RALYL: variants seen among roughly 807,000 people sequenced by gnomAD.
RALYL encodes RALY RNA binding protein like.
Under a neutral mutation model 35.1 loss-of-function variants are expected in RALYL, and 29 were observed. The observed-to-expected ratio is 0.83, with a 90% CI of 0.61 to 1.13. The LOEUF (loss-of-function observed/expected upper bound fraction) is 1.13. Ranked by LOEUF, RALYL falls within the 50% of genes most tolerant of loss-of-function variation. RALYL has a pLI of 0.00. For synonymous variants in RALYL, 120 were observed against 127.6 expected, an observed-to-expected ratio of 0.94 and a Z score of 0.40; for missense variants, 359 against 360.4, an observed-to-expected ratio of 1.00 and a Z score of 0.03.
chr8:84,817,693 T>C (rs1827678300), intron 4 of RALYL, among the ~76,000 whole-genome samples: 1 of 152,048 alleles, frequency 6.6e-6, no homozygotes, highest in African/African-American at 2.4e-5. Context: ...TAGCTGGAAC[T>C]ATAGGCATGA....
chr8:84,771,565 C>G (rs1015539712), intron 2 of RALYL, among the ~76,000 whole-genome samples: 1 of 152,068 alleles, frequency 6.6e-6, no homozygotes, highest in East Asian at 1.9e-4. Flanking sequence ...TATTACCAGG[C>G]TTTGTAAAAT....
At chr8:84,861,585 C>A (rs1346975512) in intron 5 of RALYL, among the ~76,000 whole-genome samples, 2 of 152,192 alleles carry the variant, frequency 1.3e-5, no homozygotes, top group Admixed American at 6.5e-5. Flanking sequence ...TCTCAATTTG[C>A]AAATCTAACA....
chr8:84,724,064 T>C (rs1444076078), intron 2 of RALYL, among the ~76,000 whole-genome samples: 1 of 151,820 alleles, frequency 6.6e-6, no homozygotes, highest in East Asian at 1.9e-4. Context: ...AATTCAGTAA[T>C]ATTGTTGAGT....
At chr8:84,343,765 G>A (rs1849303174) in intron 1 of RALYL, among the ~76,000 whole-genome samples, 1 of 151,836 alleles carries the variant, frequency 6.6e-6, no homozygotes, top group African/African-American at 2.4e-5. Context: ...AAGTAGCTGG[G>A]ACTATCAGCA....
chr8:84,426,475 G>GTGTGT lies in RALYL; in HGVS notation c.-23-102824_-23-102823insTGTGT, dbSNP rs1554662561. Reference sequence around the variant, plus strand: ...GTGTGTGTGTGTGTGTGTGTGTGTGGGTTTAGATTTCACATATAAGTGAGA... The same window carrying GTGTGT: ...GTGTGTGTGTGTGTGTGTGTGTGTGGTGTGTGTTTAGATTTCACATATAAGTGAGA... On this transcript the variant is annotated intron_variant, in intron 1 of 8. Transcript: ENST00000521268. 4.7e-3 allele frequency among the ~76,000 whole-genome samples: 333 copies of GTGTGT among 70,688 alleles called. 1 individual carries two copies. The highest frequency in any genetic ancestry group is 0.011 in the South Asian group (24 of 2,160). 46.4% of individuals were successfully genotyped at this position (70,688 alleles called of 152,430 possible).
intron 2 of RALYL, among the ~76,000 whole-genome samples, chr8:84,537,233 G>T (rs2059677271): frequency 6.6e-6 from 1 of 151,236 alleles, no homozygotes; most frequent in Non-Finnish European, 1.5e-5. Flanking sequence ...ACTTTGAGAG[G>T]CCGAGACAAG....
intron 2 of RALYL, among the ~76,000 whole-genome samples, chr8:84,638,265 A>G (rs980879021): frequency 1.3e-5 from 2 of 151,866 alleles, no homozygotes; most frequent in African/African-American, 2.4e-5. Context: ...GAACTGAATG[A>G]TAATAGTGAC....
intron 1 of RALYL, among the ~76,000 whole-genome samples, chr8:84,335,030 C>T (rs991962247): frequency 1.3e-5 from 2 of 152,152 alleles, no homozygotes; most frequent in Admixed American, 6.6e-5. Context: ...GTTTCTTTGT[C>T]GACTAACTCT....
At chr8:84,367,320 T>A (rs1854599457) in intron 1 of RALYL, among the ~76,000 whole-genome samples, 4 of 9,854 alleles carry the variant, frequency 4.1e-4, no homozygotes, top group African/African-American at 2.3e-3. Flanking sequence ...ATTTTTGTAT[T>A]TTTTTTTTTT....
intron 1 of RALYL, among the ~76,000 whole-genome samples, chr8:84,343,994 T>G (rs1461711870): frequency 6.6e-6 from 1 of 152,070 alleles, no homozygotes; most frequent in Non-Finnish European, 1.5e-5. Context: ...TTACTGATTA[T>G]GTTTAGAAAA....
At chr8:84,376,277 C>T (rs1470378134) in intron 1 of RALYL, among the ~76,000 whole-genome samples, 1 of 151,852 alleles carries the variant, frequency 6.6e-6, no homozygotes, top group Non-Finnish European at 1.5e-5. Flanking sequence ...TCTGACAGTG[C>T]TTGACCAGTA....
intron 1 of RALYL, among the ~76,000 whole-genome samples, chr8:84,266,896 C>T (rs1308053270): frequency 6.9e-6 from 1 of 145,528 alleles, no homozygotes; most frequent in Non-Finnish European, 1.5e-5. Flanking sequence ...GGAGGCGGAG[C>T]TTGCAGTGAG....
rs142662592 is a variant in RALYL, at chr8:84,717,798, A to G, written c.257-56781A>G. 2.0e-4 allele frequency among the ~76,000 whole-genome samples: 31 copies of G among 152,322 alleles called. No individual in the cohort carries two copies. The East Asian group carries it at 5.6e-3, about 27-fold the overall frequency. On this transcript the variant is annotated intron_variant, in intron 2 of 8. Transcript: ENST00000521268. ...ACTGGTATAGATTGACATTTGGAAT[A>G]TGACTATCATCACACAATTCTTTGC...
chr8:84,602,894 A>G (rs891830583), intron 2 of RALYL, among the ~76,000 whole-genome samples: 8 of 152,104 alleles, frequency 5.3e-5, no homozygotes, highest in Non-Finnish European at 7.4e-5. Flanking sequence ...ATGGTAGGGG[A>G]GAGTGATTTA....
chr8:84,497,630 G>GTTTTTTTTTT (rs1181968193), intron 1 of RALYL, among the ~76,000 whole-genome samples: 2 of 119,152 alleles, frequency 1.7e-5, no homozygotes, highest in African/African-American at 6.4e-5. Flanking sequence ...TTTTTTTGTT[G>GTTTTTTTTTT]TTTTTGTTTT....
At position 84,513,755 on chromosome 8, in the gene RALYL, C is replaced by T. The variant is rs1313819065; in HGVS notation, c.-23-15544C>T. On this transcript the variant is annotated intron_variant, in intron 1 of 8. Coordinates refer to ENST00000521268, the MANE Select transcript of RALYL (RefSeq NM_173848.7). ...CTTAAGATACAAAATATAGAAGAAA[C>T]AACATGAATGAAATGGTACCTATAA... is the stretch of plus-strand genomic sequence containing the variant. Among the ~76,000 whole-genome samples, 4 of 151,806 alleles carry T rather than the reference C, an allele frequency of 2.6e-5. No individual in the cohort carries two copies. In the South Asian group the frequency reaches 8.3e-4, roughly 32 times the overall value.
chr8:84,623,521 C>T (rs1822042933), intron 2 of RALYL, among the ~76,000 whole-genome samples: 1 of 152,050 alleles, frequency 6.6e-6, no homozygotes, highest in African/African-American at 2.4e-5. Flanking sequence ...AATTTACATA[C>T]TCTTAATATT....
chr8:84,654,200 C>A (rs963407967), intron 2 of RALYL, among the ~76,000 whole-genome samples: 4 of 135,694 alleles, frequency 2.9e-5, no homozygotes, highest in Non-Finnish European at 6.2e-5. Context: ...CCACCATCAC[C>A]AACATGTACA....
chr8:84,557,990 G>A (rs189865444), intron 2 of RALYL, among the ~76,000 whole-genome samples: 82 of 152,194 alleles, frequency 5.4e-4, no homozygotes, highest in East Asian at 1.3e-3. Flanking sequence ...ACTTAGTTTC[G>A]TGATCCATCC....
Sources: gnomAD v4.1 joint callset for allele counts (sites outside exome capture counted in the v4.1 genomes callset) on GRCh38, gnomAD v4.1.1 for gene constraint, MANE v1.5 for transcripts, NCBI Gene and HGNC (gene_info 2026-07-23, HGNC 2026-07-21) for gene names.